Variants in SYNE2 observed in about 807,000 individuals in gnomAD.
SYNE2 encodes the protein nesprin-2.
Under a neutral mutation model 856.3 loss-of-function variants are expected in SYNE2, and 431 were observed. That is an observed-to-expected ratio of 0.50 (90% CI 0.47 to 0.55). The LOEUF is 0.55. Ranked by LOEUF, SYNE2 falls within the 20% of genes least tolerant of loss-of-function variation. The pLI is 0.00. For synonymous variants in SYNE2, 2,923 were observed against 2,872.3 expected, an observed-to-expected ratio of 1.02 and a Z score of -0.56; for missense variants, 8,129 against 8,023.2, an observed-to-expected ratio of 1.01 and a Z score of -0.50.
intron 19 of SYNE2, among the ~76,000 whole-genome samples, chr14:63,988,206 T>C (rs1388535621): frequency 6.6e-6 from 1 of 152,210 alleles, no homozygotes; most frequent in Non-Finnish European, 1.5e-5. Context: ...GCCTCCCAAG[T>C]AGCTGGGATT....
At chr14:63,834,856 T>C (rs1163554832) in intron 1 of SYNE2, among the ~76,000 whole-genome samples, 1 of 150,914 alleles carries the variant, frequency 6.6e-6, no homozygotes, top group East Asian at 2.0e-4. Context: ...GGCCAGATGG[T>C]CTCGATCTCT....
intron 1 of SYNE2, among the ~76,000 whole-genome samples, chr14:63,872,271 A>G (rs1404961810): frequency 6.6e-6 from 1 of 151,978 alleles, no homozygotes; most frequent in Non-Finnish European, 1.5e-5. Context: ...TCTACTAAAA[A>G]TAAAAAAAAT....
Position 64,093,747 on chromosome 14 carries a change from G to T in SYNE2, c.12108+267G>T, listed in dbSNP as rs138331183. On this transcript the variant is annotated intron_variant, in intron 61 of 115. Coordinates refer to ENST00000555002, the MANE Select transcript of SYNE2 (RefSeq NM_182914.3). ...AGAAGCCTTATCTGTTTGTAGCCTG[G>T]GCAGTCCTAATCCCAGAAACTGAGC... Among the ~76,000 whole-genome samples, 282 of 152,208 alleles carry T rather than the reference G, an allele frequency of 1.9e-3. 3 individuals carry two copies. The South Asian group carries it at 0.023, about 13-fold the overall frequency.
At chr14:64,186,704 C>T in intron 97 of SYNE2, 125 bp downstream of exon 97, 1 of 1,237,722 alleles carries the variant, frequency 8.1e-7, no homozygotes, top group South Asian at 1.2e-5. Context: ...GACCCCTGGC[C>T]CGGCCGCTGC....
chr14:63,956,567 T>C (rs756115625), intron 8 of SYNE2: 9 of 409,508 alleles, frequency 2.2e-5, no homozygotes, highest in Non-Finnish European at 3.9e-5. Flanking sequence ...TATTAAGAGA[T>C]AATTCACATA....
intron 59 of SYNE2, among the ~76,000 whole-genome samples, chr14:64,090,320 G>T (rs2097599509): frequency 6.6e-6 from 1 of 152,192 alleles, no homozygotes; most frequent in South Asian, 2.1e-4. Flanking sequence ...TAAATGAAAT[G>T]ATATTATATG....
rs759776833 is a variant in SYNE2 at position 64,002,797 on chromosome 14, G to C, written c.3864G>C (p.Glu1288Asp). 1.9e-6 allele frequency: 3 copies of C among 1,605,070 alleles called. No individual in the cohort carries two copies. The highest frequency in any genetic ancestry group is 2.6e-6 in the Non-Finnish European group (3 of 1,176,266). Residue 1288 changes from glutamate to aspartate, a missense_variant, in exon 30 of 116, where the codon GAG becomes GAC. Coordinates refer to ENST00000555002, the MANE Select transcript of SYNE2 (RefSeq NM_182914.3). ...LEEPGNFVLK[E>D]LHPFDLHAMQ... ...AGCCAGGCAACTTTGTATTAAAGGAGTTACACCCATTTGATCTACACGCAA... is the reference window on the plus strand; with the variant it reads ...AGCCAGGCAACTTTGTATTAAAGGACTTACACCCATTTGATCTACACGCAA...
intron 1 of SYNE2, among the ~76,000 whole-genome samples, chr14:63,900,006 C>T (rs147929435): frequency 6.2e-4 from 95 of 152,268 alleles, no homozygotes; most frequent in African/African-American, 2.1e-3. Context: ...CCAGCAACCA[C>T]CTTAAACAAG....
At chr14:64,067,338 AAGTGAGACAC>A (rs1158433629) in intron 51 of SYNE2, among the ~76,000 whole-genome samples, 1 of 152,240 alleles carries the variant, frequency 6.6e-6, no homozygotes, top group East Asian at 1.9e-4. Flanking sequence ...TAGATGAGGA[AAGTGAGACAC>A]AGTGAGACTG....
chr14:64,101,750 G>T (rs1357174512), intron 63 of SYNE2, among the ~76,000 whole-genome samples, 182 bp from the exon 64 acceptor site: 3 of 152,132 alleles, frequency 2.0e-5, no homozygotes, highest in Non-Finnish European at 2.9e-5. Flanking sequence ...AGCCACATTT[G>T]TAAACATGAT....
chr14:64,051,639 A>C lies in SYNE2; in HGVS notation c.7726A>C (p.Asn2576His), dbSNP rs2097227913. 4 of 1,614,176 alleles carry C rather than the reference A, an allele frequency of 2.5e-6. No individual in the cohort carries two copies. The highest frequency in any genetic ancestry group is 3.4e-6 in the Non-Finnish European group (4 of 1,179,994). Reference protein sequence around the residue: ...SIEKEKDSLGNLKIKWENLSN... With the variant: ...SIEKEKDSLGHLKIKWENLSN... ...AGAAAAAGAGAAAGATTCTTTAGGC[A>C]ACTTGAAAATCAAATGGGAGAATTT... Residue 2576 changes from asparagine to histidine, a missense_variant, in exon 48 of 116, where the codon AAC becomes CAC. Around this residue, in one of 3 missense-constraint regions of SYNE2, gnomAD observed 5,410 missense variants for 5,284.8 expected, o/e 1.02. Transcript: ENST00000555002.
At chr14:64,166,974 G>C (rs555374802) in intron 90 of SYNE2, 1 of 530,168 alleles carries the variant, frequency 1.9e-6, no homozygotes, top group Admixed American at 3.2e-5. Flanking sequence ...GTATTCTTCG[G>C]TGACAAAATC....
At chr14:63,873,903 C>G (rs1433948467) in intron 1 of SYNE2, 1 of 152,226 alleles carries the variant, frequency 6.6e-6, no homozygotes, top group African/African-American at 2.4e-5. Context: ...TTGTTCATGG[C>G]TTGGTTTTCC....
chr14:63,936,802 G>A (rs1319818312), intron 2 of SYNE2, among the ~76,000 whole-genome samples: 1 of 152,178 alleles, frequency 6.6e-6, no homozygotes, highest in African/African-American at 2.4e-5. Flanking sequence ...AAAGCTGGAG[G>A]GAAGATCTGT....
rs745559430 is a variant in SYNE2, at chr14:64,167,310, TGAC to T, written c.16685_16687del (p.Asp5562del). 1 of 1,614,188 alleles carries T rather than the reference TGAC, an allele frequency of 6.2e-7. No individual in the cohort carries two copies. The highest frequency in any genetic ancestry group is 8.5e-7 in the Non-Finnish European group (1 of 1,180,024). ...AAGTGAGCCTCAAGCTCCCACTTAGTGACGTAGCTGTGAAGACGTTACAAAATA... is the reference window on the plus strand; with the variant it reads ...AAGTGAGCCTCAAGCTCCCACTTAGTGTAGCTGTGAAGACGTTACAAAATA... On this transcript the variant is annotated inframe_deletion, in exon 91 of 116. Transcript: ENST00000555002.
intron 77 of SYNE2, among the ~76,000 whole-genome samples, chr14:64,133,488 T>TG (rs1319498085): frequency 1.3e-5 from 2 of 151,952 alleles, no homozygotes; most frequent in Non-Finnish European, 2.9e-5. Flanking sequence ...GTCCTCGGGG[T>TG]GGGCATCCAT....
chr14:64,119,376 A>G (rs181049388), intron 66 of SYNE2, 51 bp from the exon 67 acceptor site: 9 of 1,608,578 alleles, frequency 5.6e-6, no homozygotes, highest in East Asian at 4.5e-5. Context: ...TGCAGGCACA[A>G]TACTTCTTCA....
At position 64,174,928 on chromosome 14, in the gene SYNE2, C is replaced by T. The variant is rs372327611; in HGVS notation, c.17236-16C>T. Reference sequence around the variant, plus strand: ...CATCAGAAACCTAAGCAAATTACTTCTCTTTTTTTTCTTAGAATAAAGAAA... The same window carrying T: ...CATCAGAAACCTAAGCAAATTACTTTTCTTTTTTTTCTTAGAATAAAGAAA... On this transcript the variant is annotated splice_polypyrimidine_tract_variant and intron_variant, in intron 94 of 115. Transcript: ENST00000555002. 7.1e-5 allele frequency: 114 copies of T among 1,612,242 alleles called. No homozygotes were observed. The highest frequency in any genetic ancestry group is 2.0e-4 in the Admixed American group (12 of 60,014).
At chr14:63,952,315 C>T (rs966573929) in intron 7 of SYNE2, among the ~76,000 whole-genome samples, 1 of 152,184 alleles carries the variant, frequency 6.6e-6, no homozygotes, top group African/African-American at 2.4e-5. Context: ...TGAGGTCTGG[C>T]CCTGCCCTCA....
Sources: allele counts gnomAD v4.1 joint callset (sites outside exome capture counted in the v4.1 genomes callset), GRCh38; gene constraint gnomAD v4.1.1; regional missense constraint gnomAD v4.1.1; transcripts MANE v1.5; gene names NCBI Gene and HGNC (gene_info 2026-07-23, HGNC 2026-07-21).